Variants in FHL2 observed in about 807,000 individuals in gnomAD.
FHL2 encodes the protein four and a half LIM domains protein 2.
A neutral mutation model predicts 32.7 loss-of-function variants in FHL2; 20 were observed. The observed-to-expected ratio is 0.61, with a 90% CI of 0.43 to 0.89. The LOEUF is 0.89. Among genes scored for constraint, FHL2 ranks in the 40% least tolerant of loss-of-function variants. The pLI, the probability that FHL2 is intolerant of heterozygous loss-of-function variation, is 0.00. For synonymous variants in FHL2, 123 were observed against 128.1 expected, an observed-to-expected ratio of 0.96 and a Z score of 0.27; for missense variants, 311 against 358.6, an observed-to-expected ratio of 0.87 and a Z score of 1.07.
In FHL2 at chr2:105,436,775, T is replaced by C. The variant is rs368866504; in HGVS notation, c.-25+1624A>G. On this transcript the variant is annotated intron_variant, in intron 1 of 5. Transcript: ENST00000393352. ...TAGTTATCTTTGAGTAGTAAGACTA[T>C]ATATGATTTTCCATTTTCTTCTTTT... is the stretch of plus-strand genomic sequence containing the variant. 1.1e-4 allele frequency among the ~76,000 whole-genome samples: 16 copies of C among 152,336 alleles called. No individual in the cohort carries two copies. The East Asian group carries it at 2.1e-3, about 20-fold the overall frequency.
chr2:105,418,441 A>C (rs868658124), intron 1 of FHL2, among the ~76,000 whole-genome samples: 4 of 150,414 alleles, frequency 2.7e-5, no homozygotes, highest in Non-Finnish European at 5.9e-5. Context: ...CAAAAAAAAA[A>C]CAAAAAACCC....
chr2:105,359,215 GA>G (rs1680126925), downstream of FHL2: 1 of 152,204 alleles, frequency 6.6e-6, no homozygotes, highest in African/African-American at 2.4e-5. Context: ...ATTAATTTTA[GA>G]ATGGGTAATT....
chr2:105,401,295 CATT>C (rs1683462196), upstream of FHL2, among the ~76,000 whole-genome samples: 1 of 151,958 alleles, frequency 6.6e-6, no homozygotes, highest in African/African-American at 2.4e-5. Context: ...AGTGAAATAA[CATT>C]ATGCCTGGAG....
chr2:105,363,223 A>G, intron 6 of FHL2, 62 bp downstream of exon 6: 1 of 1,551,684 alleles, frequency 6.4e-7, no homozygotes, highest in Non-Finnish European at 8.8e-7. Context: ...TCACAGGCTA[A>G]AATGCTAGGC....
chr2:105,426,052 C>T (rs1684257188), intron 1 of FHL2, among the ~76,000 whole-genome samples: 1 of 152,156 alleles, frequency 6.6e-6, no homozygotes, highest in Non-Finnish European at 1.5e-5. Context: ...CAGGCCACTC[C>T]TTCATATATA....
rs530384195 is a variant in FHL2, at chr2:105,380,211, G to A, written c.156+6150C>T. The stretch of plus-strand genomic sequence containing the variant: ...GCAGGAGGGAAGATTTTAGCCACAC[G>A]ATTCCCTAGAGCTTAGAGGTAGACT... On this transcript the variant is annotated intron_variant, in intron 3 of 6. Coordinates refer to ENST00000530340, the MANE Select transcript of FHL2 (RefSeq NM_001318895.3). Among the ~76,000 whole-genome samples, 13 of 152,260 alleles carry A rather than the reference G, an allele frequency of 8.5e-5. No individual in the cohort carries two copies. In the South Asian group the frequency reaches 2.5e-3, roughly 29 times the overall value.
At chr2:105,435,021 CTATT>C (rs1320704164) in intron 1 of FHL2, among the ~76,000 whole-genome samples, 1 of 152,058 alleles carries the variant, frequency 6.6e-6, no homozygotes, top group East Asian at 1.9e-4. Flanking sequence ...ATTTAGTAAA[CTATT>C]TAAAATGTAG....
intron 4 of FHL2, among the ~76,000 whole-genome samples, chr2:105,370,168 T>C (rs1012286811): frequency 4.6e-5 from 7 of 151,376 alleles, no homozygotes; most frequent in African/African-American, 1.7e-4. Flanking sequence ...AGCCCAGGAG[T>C]TGGCGACCAG....
At chr2:105,400,685 A>G (rs1257538654), upstream of FHL2, among the ~76,000 whole-genome samples, 1 of 61,600 alleles carries the variant, frequency 1.6e-5, no homozygotes, top group Non-Finnish European at 3.1e-5. Flanking sequence ...CTTATATTTT[A>G]ATTTTTTTTT....
chr2:105,383,528 A>G (rs2104575296), intron 3 of FHL2, among the ~76,000 whole-genome samples: 1 of 152,340 alleles, frequency 6.6e-6, no homozygotes, highest in East Asian at 1.9e-4. Flanking sequence ...TAAGTAGGTC[A>G]GGACTCTCAA....
At chr2:105,366,257 T>C (rs1001297021) in intron 5 of FHL2, among the ~76,000 whole-genome samples, 10 of 151,776 alleles carry the variant, frequency 6.6e-5, no homozygotes, top group Admixed American at 4.6e-4. Context: ...GAATGGAAAT[T>C]GGTAAGAATA....
intron 1 of FHL2, among the ~76,000 whole-genome samples, chr2:105,418,321 A>C (rs1683994625): frequency 6.6e-6 from 1 of 152,140 alleles, no homozygotes; most frequent in Non-Finnish European, 1.5e-5. Context: ...GCAGATAAGC[A>C]CCAGGGCAAG....
At chr2:105,430,167 A>G (rs1684385974) in intron 1 of FHL2, among the ~76,000 whole-genome samples, 1 of 152,212 alleles carries the variant, frequency 6.6e-6, no homozygotes, top group African/African-American at 2.4e-5. Flanking sequence ...TAACAAGAAC[A>G]CTGTGACCAG....
chr2:105,437,620 CT>C (rs1225939096), intron 1 of FHL2, among the ~76,000 whole-genome samples: 1 of 152,082 alleles, frequency 6.6e-6, no homozygotes, highest in Non-Finnish European at 1.5e-5. Context: ...GGACTGACAA[CT>C]TTATTTTTCT....
chr2:105,425,154 CT>C (rs1222331432), intron 1 of FHL2, among the ~76,000 whole-genome samples: 1 of 152,188 alleles, frequency 6.6e-6, no homozygotes, highest in African/African-American at 2.4e-5. Context: ...TAATTTGTAG[CT>C]TTGCCCCAGC....
intron 3 of FHL2, among the ~76,000 whole-genome samples, chr2:105,383,778 C>T (rs369907435): frequency 6.6e-6 from 1 of 152,232 alleles, no homozygotes; most frequent in Non-Finnish European, 1.5e-5. Flanking sequence ...ACAAACCCAA[C>T]TACCCGATTA....
chr2:105,396,962 C>A, intron 1 of FHL2: 1 of 410,076 alleles, frequency 2.4e-6, no homozygotes, highest in South Asian at 4.0e-5. Context: ...GGCTGAGTAA[C>A]TGGCCCTCGG....
chr2:105,388,981 C>T (rs1682525636), intron 2 of FHL2, among the ~76,000 whole-genome samples: 1 of 152,174 alleles, frequency 6.6e-6, no homozygotes, highest in Non-Finnish European at 1.5e-5. Flanking sequence ...AAAATATTGC[C>T]GCCTGGTTTG....
intron 1 of FHL2, among the ~76,000 whole-genome samples, chr2:105,422,050 C>T (rs1684117560): frequency 6.6e-6 from 1 of 152,184 alleles, no homozygotes; most frequent in African/African-American, 2.4e-5. Flanking sequence ...AGGAAAGAAT[C>T]ACGGTGGAGG....
Sources: gnomAD v4.1 joint callset for allele counts (sites outside exome capture counted in the v4.1 genomes callset) on GRCh38, gnomAD v4.1.1 for gene constraint, MANE v1.5 for transcripts, NCBI Gene and HGNC (gene_info 2026-07-23, HGNC 2026-07-21) for gene names.